MAP4K3: variants seen among roughly 807,000 people sequenced by gnomAD.
MAP4K3 encodes the protein MAPK/ERK kinase kinase kinase 3.
MAP4K3 carries 94 observed loss-of-function variants against 143.5 expected under a neutral mutation model. The observed-to-expected ratio is 0.65, with a 90% CI of 0.55 to 0.78. MAP4K3 has a LOEUF of 0.78. Ranked by LOEUF, MAP4K3 falls within the 30% of genes least tolerant of loss-of-function variation. The pLI, the probability that MAP4K3 is intolerant of heterozygous loss-of-function variation, is 0.00. For synonymous variants in MAP4K3, 416 were observed against 347.2 expected, an observed-to-expected ratio of 1.20 and a Z score of -2.20; for missense variants, 1,077 against 1,068.1, an observed-to-expected ratio of 1.01 and a Z score of -0.12.
chr2:39,412,907 T>C (rs757845390), intron 1 of MAP4K3, among the ~76,000 whole-genome samples: 9 of 152,206 alleles, frequency 5.9e-5, no homozygotes, highest in Non-Finnish European at 1.3e-4. Flanking sequence ...AGTTCCTAAC[T>C]ACTTGGTCAT....
intron 21 of MAP4K3, among the ~76,000 whole-genome samples, chr2:39,285,855 T>G (rs1573096542): frequency 6.6e-6 from 1 of 152,230 alleles, no homozygotes; most frequent in East Asian, 1.9e-4. Context: ...AATTCTATGA[T>G]GATAGTTGAA....
At chr2:39,288,917 T>C (rs990886945) in intron 19 of MAP4K3, among the ~76,000 whole-genome samples, 1 of 152,140 alleles carries the variant, frequency 6.6e-6, no homozygotes, top group African/African-American at 2.4e-5. Flanking sequence ...CTGGGCGTGG[T>C]GGCGGGTGCC....
intron 16 of MAP4K3, among the ~76,000 whole-genome samples, chr2:39,296,023 C>T (rs1682269545): frequency 6.6e-6 from 1 of 152,104 alleles, no homozygotes; most frequent in African/African-American, 2.4e-5. Context: ...CACACCCAGC[C>T]AGCATTCCAC....
chr2:39,399,780 C>T (rs1341271643), intron 1 of MAP4K3, among the ~76,000 whole-genome samples: 2 of 152,162 alleles, frequency 1.3e-5, no homozygotes, highest in Non-Finnish European at 2.9e-5. Context: ...AAGTTAAGGG[C>T]TCCTGTTACA....
rs548587132 is a variant in MAP4K3 at position 39,436,826 on chromosome 2, G to A, written c.96+66C>T. ...TCCCGAGGACAGGCGGCAAGGGCTCGGACGCCCAGGCTTGGCTGCGGGTCG... is the reference window on the plus strand; with the variant it reads ...TCCCGAGGACAGGCGGCAAGGGCTCAGACGCCCAGGCTTGGCTGCGGGTCG... On this transcript the variant is annotated intron_variant, in intron 1 of 33. Coordinates refer to ENST00000263881, the MANE Select transcript of MAP4K3 (RefSeq NM_003618.4). 25 of 1,411,444 alleles carry A rather than the reference G, an allele frequency of 1.8e-5. No individual in the cohort carries two copies. In the African/African-American group the frequency reaches 3.1e-4, roughly 18 times the overall value. The allele number at this position is 1,411,444 out of a possible 1,614,324, so 87.4% of individuals were successfully genotyped here.
chr2:39,309,147 A>C, intron 14 of MAP4K3, among the ~76,000 whole-genome samples: 1 of 152,112 alleles, frequency 6.6e-6, no homozygotes, highest in Non-Finnish European at 1.5e-5. Context: ...TTTTAAAGAC[A>C]AGGTCTCACA....
intron 24 of MAP4K3, among the ~76,000 whole-genome samples, chr2:39,277,439 C>T (rs1178286448): frequency 6.6e-6 from 1 of 152,226 alleles, no homozygotes; most frequent in East Asian, 1.9e-4. Context: ...CCTAATATGA[C>T]ATCTAATCCT....
intron 6 of MAP4K3, among the ~76,000 whole-genome samples, chr2:39,336,471 C>CAAAAAAAAAAAA (rs55780656): frequency 2.6e-4 from 10 of 38,684 alleles, no homozygotes; most frequent in African/African-American, 8.8e-4. Context: ...GACTCCATCT[C>CAAAAAAAAAAAA]AAAAAAAAAA....
intron 1 of MAP4K3, among the ~76,000 whole-genome samples, chr2:39,412,567 C>CA (rs1229303703): frequency 2.6e-5 from 4 of 151,888 alleles, no homozygotes; most frequent in Non-Finnish European, 5.9e-5. Flanking sequence ...TAAAAACAAA[C>CA]AAACAAAAAA....
chr2:39,405,796 T>C (rs774776133), intron 1 of MAP4K3, among the ~76,000 whole-genome samples: 1 of 151,940 alleles, frequency 6.6e-6, no homozygotes, highest in Non-Finnish European at 1.5e-5. Context: ...TACCTAAGCC[T>C]AGGAGGTAGA....
intron 27 of MAP4K3, 42 bp from the exon 28 acceptor site, chr2:39,265,348 AG>A (rs778888342): frequency 8.5e-7 from 1 of 1,169,914 alleles, no homozygotes; most frequent in Non-Finnish European, 1.3e-6. Flanking sequence ...TATAAAACAA[AG>A]TCATTATGAC....
At chr2:39,367,828 TATTATGCATATATACATAC>T (rs1433634493) in intron 2 of MAP4K3, among the ~76,000 whole-genome samples, 2 of 152,270 alleles carry the variant, frequency 1.3e-5, no homozygotes, top group African/African-American at 4.8e-5. Flanking sequence ...CATGTTTATG[TATTATGCATATATACATAC>T]ATATATCTGT....
chr2:39,431,975 TAG>T (rs57608935), intron 1 of MAP4K3, among the ~76,000 whole-genome samples: 2,325 of 152,248 alleles, frequency 0.015, 62 homozygotes, highest in African/African-American at 0.053. Context: ...ATGGAGTATC[TAG>T]AGAGTCTCTC....
At chr2:39,269,900 C>T (rs1680940654) in intron 26 of MAP4K3, among the ~76,000 whole-genome samples, 1 of 152,048 alleles carries the variant, frequency 6.6e-6, no homozygotes, top group East Asian at 1.9e-4. Context: ...AAAAATGCCC[C>T]TTTCATATAC....
chr2:39,287,379 C>T (rs1028648739), intron 20 of MAP4K3, among the ~76,000 whole-genome samples: 4 of 151,832 alleles, frequency 2.6e-5, no homozygotes, highest in Non-Finnish European at 4.4e-5. Flanking sequence ...GTGCAAACTC[C>T]GCCTCCCAGG....
chr2:39,429,009 G>A (rs1041753178), intron 1 of MAP4K3, among the ~76,000 whole-genome samples: 17 of 126,352 alleles, frequency 1.3e-4, no homozygotes, highest in Non-Finnish European at 2.3e-4. Context: ...AGGTTGCAGC[G>A]ACCCGAAATA....
At chr2:39,345,834 A>G (rs769427524) in intron 3 of MAP4K3, among the ~76,000 whole-genome samples, 2 of 146,392 alleles carry the variant, frequency 1.4e-5, no homozygotes, top group Non-Finnish European at 3.0e-5. Flanking sequence ...AGGCAGGAGA[A>G]TGGCATGAAC....
chr2:39,332,067 A>T (rs1683702357), intron 7 of MAP4K3, 78 bp from the exon 8 acceptor site: 2 of 742,452 alleles, frequency 2.7e-6, no homozygotes, highest in African/African-American at 1.8e-5. Context: ...AGAAACTTTT[A>T]AAAGTTATTT....
intron 1 of MAP4K3, among the ~76,000 whole-genome samples, chr2:39,385,631 A>AT (rs373126017): frequency 0.014 from 1,658 of 120,394 alleles, 26 homozygotes; most frequent in South Asian, 0.051. Flanking sequence ...ATGATTTGCA[A>AT]TTTTTTTTTT....
Sources: gnomAD v4.1 joint callset for allele counts (sites outside exome capture counted in the v4.1 genomes callset) on GRCh38, gnomAD v4.1.1 for gene constraint, MANE v1.5 for transcripts, NCBI Gene and HGNC (gene_info 2026-07-23, HGNC 2026-07-21) for gene names.